The following CRY1 variants were observed in gnomAD, a reference collection of about 807,000 sequenced individuals.
The protein encoded by CRY1 is cryptochrome-1.
In CRY1, 45 loss-of-function variants were observed where a neutral mutation model predicts 76.0. That is an observed-to-expected ratio of 0.59 (90% CI 0.47 to 0.76). The LOEUF (loss-of-function observed/expected upper bound fraction) is 0.76, where lower values mean the gene tolerates loss of function less well. CRY1 is among the 30% of genes least tolerant of loss of function. The pLI is 0.00. For synonymous variants in CRY1, 248 were observed against 244.0 expected (o/e 1.02, Z -0.15); for missense variants, 587 against 716.4 (o/e 0.82, Z 2.06).
Position 107,032,295 on chromosome 12 carries a change from G to GA in CRY1, c.159-10104dup, listed in dbSNP as rs1449982024. Among the ~76,000 whole-genome samples the GA allele has an allele frequency of 3.3e-5, 5 of 152,194 alleles. No homozygotes were observed. In the East Asian group the frequency reaches 9.6e-4, roughly 29 times the overall value. ...GGAAATGGAAATGTTAATATTACAG[G>GA]AAACAGGATACAGAGCATACAGGAA... On this transcript the variant is annotated intron_variant, in intron 1 of 12. Transcript: ENST00000008527.
intron 2 of CRY1, among the ~76,000 whole-genome samples, chr12:107,009,602 A>AT (rs1566245665): frequency 0.056 from 1,124 of 20,064 alleles, 39 homozygotes; most frequent in African/African-American, 0.2. Context: ...ATATATATAT[A>AT]AAATCTCTAT....
intron 1 of CRY1, among the ~76,000 whole-genome samples, chr12:107,091,430 C>A (rs536129819): frequency 1.4e-4 from 22 of 152,256 alleles, no homozygotes; most frequent in Admixed American, 8.5e-4. Context: ...CTCACCACGT[C>A]CACGATTATT....
intron 1 of CRY1, among the ~76,000 whole-genome samples, chr12:107,077,714 A>T (rs1272684028): frequency 6.6e-6 from 1 of 152,096 alleles, no homozygotes; most frequent in Non-Finnish European, 1.5e-5. Context: ...CTAGTTATCT[A>T]ACCAAAATTC....
chr12:107,013,287 C>A (rs926033483), intron 2 of CRY1, among the ~76,000 whole-genome samples: 1 of 152,172 alleles, frequency 6.6e-6, no homozygotes, highest in Non-Finnish European at 1.5e-5. Context: ...AGCCAGTAGC[C>A]ATCAGCATTG....
chr12:107,068,715 C>G (rs988547899), intron 1 of CRY1, among the ~76,000 whole-genome samples: 17 of 152,182 alleles, frequency 1.1e-4, no homozygotes, highest in African/African-American at 3.6e-4. Flanking sequence ...AAACCCTGTA[C>G]TGATTACCTT....
At chr12:107,019,018 C>T (rs1952525431) in intron 2 of CRY1, among the ~76,000 whole-genome samples, 1 of 152,174 alleles carries the variant, frequency 6.6e-6, no homozygotes, top group Admixed American at 6.5e-5. Flanking sequence ...CTAGCCTTAC[C>T]TCCAATGTGG....
intron 1 of CRY1, among the ~76,000 whole-genome samples, chr12:107,055,243 G>C (rs939807353): frequency 4.6e-5 from 7 of 151,892 alleles, no homozygotes; most frequent in Non-Finnish European, 1.0e-4. Context: ...AAGACAATTA[G>C]AAAACTTTGC....
At chr12:107,034,054 T>C (rs1358971814) in intron 1 of CRY1, among the ~76,000 whole-genome samples, 1 of 151,372 alleles carries the variant, frequency 6.6e-6, no homozygotes, top group Non-Finnish European at 1.5e-5. Context: ...AGTCACAGGG[T>C]GAGACAGGAG....
At chr12:107,068,587 C>T (rs192538176) in intron 1 of CRY1, among the ~76,000 whole-genome samples, 5 of 152,158 alleles carry the variant, frequency 3.3e-5, no homozygotes, top group East Asian at 1.9e-4. Context: ...CATGAGCAAC[C>T]GCACTCAGCC....
rs1210111041 is a variant in CRY1, at chr12:106,999,572, A to C, written c.1116T>G (p.Ile372Met). ...ACFLTRGDLW[I>M]SWEEGMKVFE... ...TTACCTTCATTCCTTCTTCCCAACT[A>C]ATCCACAGGTCCCCTCGTGTCAGGA... is the stretch of plus-strand genomic sequence containing the variant. Residue 372 changes from isoleucine (I) to methionine (M), a missense_variant, in exon 7 of 13, where the codon ATT becomes ATG. Coordinates refer to ENST00000008527, the MANE Select transcript of CRY1 (RefSeq NM_004075.5). The C allele has an allele frequency of 1.2e-6, 2 of 1,613,206 alleles. No individual in the cohort carries two copies. The highest frequency in any genetic ancestry group is 3.3e-5 in the Admixed American group (2 of 59,824).
At chr12:107,017,425 T>C (rs1028975309) in intron 2 of CRY1, among the ~76,000 whole-genome samples, 2 of 152,246 alleles carry the variant, frequency 1.3e-5, no homozygotes, top group Non-Finnish European at 2.9e-5. Flanking sequence ...GGTTCTTTTA[T>C]TGGTTTCACT....
At chr12:107,014,721 G>A (rs1952480567) in intron 2 of CRY1, among the ~76,000 whole-genome samples, 1 of 152,056 alleles carries the variant, frequency 6.6e-6, no homozygotes, top group Non-Finnish European at 1.5e-5. Context: ...GCTGCATTCT[G>A]TAAATTTTGA....
chr12:107,065,571 G>T lies in CRY1; in HGVS notation c.158+27233C>A, dbSNP rs193043821. On this transcript the variant is annotated intron_variant, in intron 1 of 12. Transcript: ENST00000008527. ...GATTGCGCCATTGCACTCCAGCCTG[G>T]GTGACAAGAGCGAAACTCTGTTTCA... Among the ~76,000 whole-genome samples the T allele has an allele frequency of 4.0e-3, 603 of 152,110 alleles. 5 individuals are homozygous for T. The highest frequency in any genetic ancestry group is 0.014 in the African/African-American group (570 of 41,494).
At chr12:107,032,549 T>A (rs1301106443) in intron 1 of CRY1, among the ~76,000 whole-genome samples, 2 of 152,086 alleles carry the variant, frequency 1.3e-5, no homozygotes, top group African/African-American at 4.8e-5. Flanking sequence ...CCTCTCTGTA[T>A]TCTCAACTTT....
intron 1 of CRY1, among the ~76,000 whole-genome samples, chr12:107,057,658 G>C (rs1221362526): frequency 2.6e-5 from 4 of 152,084 alleles, no homozygotes; most frequent in Non-Finnish European, 5.9e-5. Context: ...CTGAGTCCAG[G>C]AGCTGGGGGC....
intron 1 of CRY1, among the ~76,000 whole-genome samples, chr12:107,056,603 G>C (rs1300543820): frequency 6.6e-6 from 1 of 151,646 alleles, no homozygotes; most frequent in South Asian, 2.1e-4. Flanking sequence ...AAGCTCATCA[G>C]CTATCATTAA....
At chr12:107,028,892 T>C (rs1370225173) in intron 1 of CRY1, among the ~76,000 whole-genome samples, 1 of 152,322 alleles carries the variant, frequency 6.6e-6, no homozygotes, top group East Asian at 1.9e-4. Flanking sequence ...TTTATTTATA[T>C]AGGTGATAAA....
At chr12:107,069,722 T>C (rs954748333) in intron 1 of CRY1, among the ~76,000 whole-genome samples, 1 of 145,392 alleles carries the variant, frequency 6.9e-6, no homozygotes, top group African/African-American at 2.5e-5. Flanking sequence ...ATATATAAAG[T>C]ATATATGTAA....
At chr12:107,029,935 G>A (rs1952657658) in intron 1 of CRY1, among the ~76,000 whole-genome samples, 2 of 152,228 alleles carry the variant, frequency 1.3e-5, no homozygotes, top group South Asian at 4.2e-4. Context: ...GTTTTGATAT[G>A]GGGAGCGGCT....
Sources: gnomAD v4.1 joint callset for allele counts (sites outside exome capture counted in the v4.1 genomes callset) on GRCh38, gnomAD v4.1.1 for gene constraint, MANE v1.5 for transcripts, NCBI Gene and HGNC (gene_info 2026-07-23, HGNC 2026-07-21) for gene names.